Variants in CCSER1 observed in about 807,000 individuals in gnomAD.
CCSER1 encodes the protein coiled-coil serine rich protein 1, also known as serine-rich coiled-coil domain-containing protein 1.
A neutral mutation model predicts 82.0 loss-of-function variants in CCSER1; 41 were observed. The ratio of observed to expected loss-of-function variants is 0.50; its 90% CI spans 0.39 to 0.65. The LOEUF (loss-of-function observed/expected upper bound fraction) is 0.65, where lower values mean the gene tolerates loss of function less well. Among genes scored for constraint, CCSER1 ranks in the 30% least tolerant of loss-of-function variants. CCSER1 has a pLI of 0.00. For synonymous variants in CCSER1, 414 were observed against 383.9 expected, an observed-to-expected ratio of 1.08 and a Z score of -0.92; for missense variants, 1,119 against 1,064.2, an observed-to-expected ratio of 1.05 and a Z score of -0.72.
At chr4:91,117,603 GTT>G (rs775835715) in intron 10 of CCSER1, among the ~76,000 whole-genome samples, 6 of 152,146 alleles carry the variant, frequency 3.9e-5, no homozygotes, top group Non-Finnish European at 8.8e-5. Flanking sequence ...TTTACTGCGT[GTT>G]TCAAAGTCAA....
chr4:91,203,397 C>G (rs1254371702), intron 10 of CCSER1, among the ~76,000 whole-genome samples: 1 of 151,598 alleles, frequency 6.6e-6, no homozygotes, highest in Admixed American at 6.6e-5. Context: ...ATTTATTTAA[C>G]AAATGTGTAT....
chr4:91,051,770 A>G (rs1427675717), intron 9 of CCSER1, among the ~76,000 whole-genome samples: 7 of 152,176 alleles, frequency 4.6e-5, no homozygotes, highest in Non-Finnish European at 8.8e-5. Flanking sequence ...GATTCATTCT[A>G]TATCATTACT....
chr4:91,475,126 A>G (rs1228084103), intron 10 of CCSER1, among the ~76,000 whole-genome samples: 2 of 151,740 alleles, frequency 1.3e-5, no homozygotes, highest in Non-Finnish European at 3.0e-5. Context: ...TTTGTTGTCC[A>G]GGACAATTGT....
chr4:90,194,013 A>G (rs1736143198), intron 1 of CCSER1, among the ~76,000 whole-genome samples: 2 of 152,044 alleles, frequency 1.3e-5, no homozygotes, highest in African/African-American at 4.8e-5. Flanking sequence ...AAATTCATTG[A>G]GTTCTTTTGA....
intron 7 of CCSER1, among the ~76,000 whole-genome samples, chr4:90,736,338 A>G (rs894114160): frequency 6.6e-6 from 1 of 151,988 alleles, no homozygotes; most frequent in Admixed American, 6.6e-5. Flanking sequence ...ATTGGAGTCA[A>G]TCTCTCTCTT....
chr4:90,998,952 T>C (rs1017219902), intron 9 of CCSER1, among the ~76,000 whole-genome samples: 12 of 152,146 alleles, frequency 7.9e-5, no homozygotes, highest in African/African-American at 2.7e-4. Flanking sequence ...GTACCCAGTG[T>C]CTAGCTCCCA....
chr4:90,233,737 AATT>A, intron 1 of CCSER1, among the ~76,000 whole-genome samples: 1 of 151,762 alleles, frequency 6.6e-6, no homozygotes, highest in Non-Finnish European at 1.5e-5. Flanking sequence ...AAAAAGAGAA[AATT>A]ATTATAGAAA....
At chr4:91,123,198 T>C (rs1727236888) in intron 10 of CCSER1, among the ~76,000 whole-genome samples, 1 of 151,784 alleles carries the variant, frequency 6.6e-6, no homozygotes, top group Admixed American at 6.6e-5. Flanking sequence ...TTCTTTCAAA[T>C]AGCATAGTTT....
chr4:91,566,090 T>TTGACA (rs961350425), intron 10 of CCSER1, among the ~76,000 whole-genome samples: 2 of 152,142 alleles, frequency 1.3e-5, no homozygotes, highest in Non-Finnish European at 2.9e-5. Context: ...CTGAGAGTTT[T>TTGACA]TGACATGAAG....
At chr4:91,020,497 C>G (rs1281868195) in intron 9 of CCSER1, among the ~76,000 whole-genome samples, 3 of 152,038 alleles carry the variant, frequency 2.0e-5, no homozygotes, top group Non-Finnish European at 4.4e-5. Context: ...CCCGTCTCTA[C>G]TAAAAATACA....
intron 10 of CCSER1, among the ~76,000 whole-genome samples, chr4:91,534,298 T>G (rs1457992673): frequency 6.6e-6 from 1 of 152,054 alleles, no homozygotes; most frequent in African/African-American, 2.4e-5. Flanking sequence ...TTGATTTTGC[T>G]AATTAAATTC....
intron 10 of CCSER1, among the ~76,000 whole-genome samples, chr4:91,251,078 A>G (rs1371024595): frequency 6.6e-6 from 1 of 152,174 alleles, no homozygotes; most frequent in Non-Finnish European, 1.5e-5. Context: ...AGAGAGGAAG[A>G]ACACTGAAAC....
chr4:91,365,129 ATAT>A (rs1313177026), intron 10 of CCSER1, among the ~76,000 whole-genome samples: 2 of 152,196 alleles, frequency 1.3e-5, no homozygotes, highest in Non-Finnish European at 2.9e-5. Context: ...TCTTTAAAAG[ATAT>A]TAGCATTTCT....
chr4:90,638,969 G>A (rs1183036792), intron 6 of CCSER1, among the ~76,000 whole-genome samples: 1 of 151,970 alleles, frequency 6.6e-6, no homozygotes, highest in Non-Finnish European at 1.5e-5. Context: ...TTCATCATAT[G>A]TAATATTAAT....
chr4:90,799,434 G>A (rs1264133631), intron 7 of CCSER1, among the ~76,000 whole-genome samples: 2 of 152,160 alleles, frequency 1.3e-5, no homozygotes, highest in Non-Finnish European at 2.9e-5. Context: ...CCCTGGGGAA[G>A]CTACAGTATG....
intron 6 of CCSER1, among the ~76,000 whole-genome samples, chr4:90,683,929 C>T (rs1216092323): frequency 1.3e-5 from 2 of 152,106 alleles, no homozygotes; most frequent in Non-Finnish European, 2.9e-5. Flanking sequence ...TCAATCTTCT[C>T]CTCTAACATA....
intron 5 of CCSER1, among the ~76,000 whole-genome samples, chr4:90,534,915 C>A (rs538586770): frequency 2.0e-5 from 3 of 152,252 alleles, no homozygotes; most frequent in Admixed American, 2.0e-4. Context: ...CCAGCAGCAT[C>A]CAAATCACTT....
intron 8 of CCSER1, among the ~76,000 whole-genome samples, chr4:90,878,789 A>G (rs1350489464): frequency 6.6e-6 from 1 of 152,184 alleles, no homozygotes; most frequent in African/African-American, 2.4e-5. Flanking sequence ...TAGATCAAAT[A>G]TTTATGTCTG....
intron 10 of CCSER1, among the ~76,000 whole-genome samples, chr4:91,123,639 T>C (rs1727273604): frequency 6.6e-6 from 1 of 151,730 alleles, no homozygotes; most frequent in Non-Finnish European, 1.5e-5. Flanking sequence ...TGGTGGTTTC[T>C]TATCACTTAC....
Sources: gnomAD v4.1 joint callset for allele counts (sites outside exome capture counted in the v4.1 genomes callset) on GRCh38, gnomAD v4.1.1 for gene constraint, MANE v1.5 for transcripts, NCBI Gene and HGNC (gene_info 2026-07-23, HGNC 2026-07-21) for gene names.